The following TRAK1 variants were observed in gnomAD, a reference collection of about 807,000 sequenced individuals.
The protein encoded by TRAK1 is trafficking kinesin protein 1.
TRAK1 carries 33 observed loss-of-function variants against 92.1 expected under a neutral mutation model. The ratio of observed to expected loss-of-function variants is 0.36; its 90% CI spans 0.27 to 0.48. The LOEUF is 0.48. Among genes scored for constraint, TRAK1 ranks in the 20% least tolerant of loss-of-function variants. TRAK1 has a pLI of 0.99. For missense variants in TRAK1, 1,123 were observed against 1,257.9 expected, an observed-to-expected ratio of 0.89 and a Z score of 1.62; for synonymous variants, 521 against 517.3, an observed-to-expected ratio of 1.01 and a Z score of -0.10.
At chr3:42,217,099 T>A in intron 14 of TRAK1, 1 of 152,814 alleles carries the variant, frequency 6.5e-6, no homozygotes, top group East Asian at 2.0e-4. Context: ...CTCTCTCTCT[T>A]TTTTTTTTTT....
At chr3:42,116,512 A>G (rs989018446) in intron 1 of TRAK1, among the ~76,000 whole-genome samples, 1 of 152,250 alleles carries the variant, frequency 6.6e-6, no homozygotes, top group Non-Finnish European at 1.5e-5. Flanking sequence ...TGGCCTATGT[A>G]TGAGTCTTTA....
upstream of TRAK1, among the ~76,000 whole-genome samples, chr3:42,086,213 A>G (rs151115324): frequency 2.2e-3 from 330 of 152,226 alleles, 4 homozygotes; most frequent in Non-Finnish European, 1.7e-3. Context: ...TCAGCAGCCT[A>G]TGTCACATGC....
chr3:42,067,869 T>C (rs949304432), intron 1 of TRAK1, among the ~76,000 whole-genome samples: 1 of 152,184 alleles, frequency 6.6e-6, no homozygotes, highest in Non-Finnish European at 1.5e-5. Context: ...TGTATTTATT[T>C]ATTTAGAAGC....
chr3:42,035,754 G>T (rs1197574330), intron 1 of TRAK1, among the ~76,000 whole-genome samples: 1 of 152,202 alleles, frequency 6.6e-6, no homozygotes, highest in Non-Finnish European at 1.5e-5. Context: ...TCCCCATGGG[G>T]CAAAAGAGGC....
intron 1 of TRAK1, among the ~76,000 whole-genome samples, chr3:42,052,816 T>C (rs77304047): frequency 0.087 from 13,197 of 152,226 alleles, 628 homozygotes; most frequent in Non-Finnish European, 0.11. Flanking sequence ...GACACCACAG[T>C]GTTAAGGACT....
upstream of TRAK1, among the ~76,000 whole-genome samples, chr3:42,084,782 G>A (rs1441756741): frequency 1.3e-5 from 2 of 151,776 alleles, no homozygotes; most frequent in Non-Finnish European, 2.9e-5. Flanking sequence ...CACTGACTAG[G>A]CGTGACAATC....
rs3774391 is a variant in TRAK1, at chr3:42,223,877, C to T, written c.*140C>T. 0.32 allele frequency: 309,652 copies of T among 965,744 alleles called. 53,489 individuals carry two copies. Among genetic ancestry groups the T allele is most frequent in the Non-Finnish European group, 0.34 (222,942 of 649,048 alleles). The allele number at this position is 965,744 out of a possible 1,614,324, so 59.8% of individuals were successfully genotyped here. A position where few individuals can be genotyped will look rare whatever the true frequency, so the allele number is the denominator to read the frequency against. On this transcript the variant is annotated 3_prime_UTR_variant, in exon 16 of 16. Transcript: ENST00000327628. This position sits in a 1 kb window ranked among gnomAD's most constrained non-coding sequence, Gnocchi z 6.1. ...CCTCCTAAGCTAGACAAATCAACCT[C>T]GTGCCTAATGGAGGAAGTGTGGAAA...
chr3:42,047,225 T>A (rs201282628), intron 1 of TRAK1, among the ~76,000 whole-genome samples: 39 of 133,322 alleles, frequency 2.9e-4, no homozygotes, highest in East Asian at 1.7e-3. Flanking sequence ...TTTTTTTTTT[T>A]AAATCTGTCG....
At chr3:42,200,168 G>A (rs962789494) in intron 11 of TRAK1, among the ~76,000 whole-genome samples, 2 of 152,204 alleles carry the variant, frequency 1.3e-5, no homozygotes, top group African/African-American at 4.8e-5. Context: ...GTGTCCAAGT[G>A]AGGTTTGGTA....
At chr3:42,023,463 G>A (rs896781694) in intron 1 of TRAK1, among the ~76,000 whole-genome samples, 3 of 152,142 alleles carry the variant, frequency 2.0e-5, no homozygotes, top group African/African-American at 4.8e-5. Context: ...TAGGCCGTAT[G>A]TGATCCTAGA....
At chr3:42,165,716 A>G (rs1701777101) in intron 2 of TRAK1, among the ~76,000 whole-genome samples, 1 of 152,130 alleles carries the variant, frequency 6.6e-6, no homozygotes, top group African/African-American at 2.4e-5. Context: ...GTGTCGAAGG[A>G]GGAACTGACC....
Position 42,176,571 on chromosome 3 carries a change from GAC to G in TRAK1, c.287-237_287-236del, listed in dbSNP as rs1224963051. ...CCCTCAGCACATGCTCATACACACA[GAC>G]ACACAATGTCAAGGTTTCACAGGGG... On this transcript the variant is annotated intron_variant, in intron 2 of 15. Transcript: ENST00000327628. 3.9e-5 allele frequency among the ~76,000 whole-genome samples: 6 copies of G among 152,234 alleles called. No individual in the cohort carries two copies. The South Asian group carries it at 1.2e-3, about 32-fold the overall frequency.
chr3:42,110,129 T>TATATATATATATATAA (rs1553719444), intron 1 of TRAK1, among the ~76,000 whole-genome samples: 3 of 128,500 alleles, frequency 2.3e-5, no homozygotes, highest in African/African-American at 8.7e-5. Flanking sequence ...TATATATATA[T>TATATATATATATATAA]ATAAACTTTG....
chr3:42,089,368 T>A (rs1027731348), upstream of TRAK1, among the ~76,000 whole-genome samples: 7 of 152,218 alleles, frequency 4.6e-5, no homozygotes, highest in African/African-American at 1.7e-4. Flanking sequence ...TCCCTAAAAT[T>A]CTTTCTCCGC....
chr3:42,060,084 A>G (rs1266439585), intron 1 of TRAK1, among the ~76,000 whole-genome samples: 1 of 152,162 alleles, frequency 6.6e-6, no homozygotes, highest in Non-Finnish European at 1.5e-5. Flanking sequence ...GAACCATGTC[A>G]ATAAGACTCA....
At chr3:42,158,786 A>AC (rs1278078933) in intron 2 of TRAK1, among the ~76,000 whole-genome samples, 7 of 112,492 alleles carry the variant, frequency 6.2e-5, no homozygotes, top group Non-Finnish European at 9.3e-5. Context: ...CACAAAAAAT[A>AC]CAAAAAAAAA....
rs1307588209 is a variant in TRAK1, at chr3:42,223,331, T to C, written c.2456T>C (p.Leu819Pro). ...GCTTCCAAGCCAGCCAGCTCCATCC[T>C]GAGGGAAGTGAGAGAAAAGAACGTC... Reference protein sequence around the residue: ...FLASKPASSILREVREKNVRS... With the variant: ...FLASKPASSIPREVREKNVRS... Residue 819 changes from leucine to proline, a missense_variant, in exon 16 of 16, where the codon CTG (leucine) becomes CCG (proline). Leu to Pro is a moderately conservative substitution (Grantham distance 98). Transcript: ENST00000327628. The surrounding 1 kb of genome is among the most constrained non-coding windows in gnomAD (Gnocchi z 6.1). 1 of 1,614,154 alleles carries C rather than the reference T, an allele frequency of 6.2e-7. No individual in the cohort carries two copies. Among genetic ancestry groups the C allele is most frequent in the Admixed American group, 1.7e-5 (1 of 60,034 alleles).
chr3:42,075,645 A>G (rs1576249523), intron 1 of TRAK1, among the ~76,000 whole-genome samples: 1 of 152,274 alleles, frequency 6.6e-6, no homozygotes, highest in African/African-American at 2.4e-5. Context: ...CCTCAAGCTC[A>G]CCAGCATCCA....
At chr3:42,022,193 G>A in intron 1 of TRAK1, among the ~76,000 whole-genome samples, 1 of 152,196 alleles carries the variant, frequency 6.6e-6, no homozygotes, top group East Asian at 1.9e-4. Flanking sequence ...GGCATTAGAA[G>A]AATTGCTTTG....
Sources: allele counts gnomAD v4.1 joint callset (sites outside exome capture counted in the v4.1 genomes callset), GRCh38; gene constraint gnomAD v4.1.1; non-coding constraint Gnocchi (gnomAD v3.1); transcripts MANE v1.5; gene names NCBI Gene and HGNC (gene_info 2026-07-23, HGNC 2026-07-21).